ANO3: variants seen among roughly 807,000 people sequenced by gnomAD.
ANO3 encodes anoctamin-3.
Under a neutral mutation model 144.8 loss-of-function variants are expected in ANO3, and 99 were observed. That is an observed-to-expected ratio of 0.68 (90% CI 0.58 to 0.81). The LOEUF (loss-of-function observed/expected upper bound fraction) is 0.81, where lower values mean the gene tolerates loss of function less well. Among genes scored for constraint, ANO3 ranks in the 30% least tolerant of loss-of-function variants. ANO3 has a pLI of 0.00. For synonymous variants in ANO3, 414 were observed against 392.6 expected, an observed-to-expected ratio of 1.05 and a Z score of -0.64; for missense variants, 905 against 1,202.2, an observed-to-expected ratio of 0.75 and a Z score of 3.66.
At chr11:26,613,547 A>G (rs293933) in intron 17 of ANO3, among the ~76,000 whole-genome samples, 19,659 of 151,880 alleles carry the variant, frequency 0.13, 1,483 homozygotes, top group Admixed American at 0.22. Flanking sequence ...GAGGTATCCT[A>G]TTTTCTTGCT....
intron 1 of ANO3, among the ~76,000 whole-genome samples, chr11:26,419,571 G>A (rs1418909707): frequency 1.3e-5 from 2 of 151,976 alleles, no homozygotes; most frequent in African/African-American, 2.4e-5. Flanking sequence ...GTCTATGTAT[G>A]CAGACCCAGT....
intron 4 of ANO3, among the ~76,000 whole-genome samples, chr11:26,507,541 T>C (rs921885883): frequency 2.0e-5 from 3 of 152,222 alleles, no homozygotes; most frequent in Non-Finnish European, 4.4e-5. Context: ...TTGGTTTCAG[T>C]ATTACTAAAT....
chr11:26,535,453 A>T (rs1849481792), intron 9 of ANO3, among the ~76,000 whole-genome samples: 1 of 152,130 alleles, frequency 6.6e-6, no homozygotes, highest in African/African-American at 2.4e-5. Flanking sequence ...TGTTAGTCAT[A>T]TCCTAAAAGC....
chr11:26,224,361 T>A (rs1031348296), intron 1 of ANO3, among the ~76,000 whole-genome samples: 2 of 152,168 alleles, frequency 1.3e-5, no homozygotes, highest in East Asian at 3.9e-4. Context: ...TCTTTCTCCA[T>A]CCCAGGAAGC....
intron 1 of ANO3, among the ~76,000 whole-genome samples, chr11:26,202,291 TATAG>T: frequency 6.9e-6 from 1 of 144,448 alleles, no homozygotes; most frequent in East Asian, 2.0e-4. Context: ...TTATATATAA[TATAG>T]ATACATATTA....
At chr11:26,594,355 G>A (rs1359890505) in intron 14 of ANO3, among the ~76,000 whole-genome samples, 1 of 152,074 alleles carries the variant, frequency 6.6e-6, no homozygotes, top group East Asian at 1.9e-4. Flanking sequence ...CAAACTCTCG[G>A]GCTGCAGCTA....
At chr11:26,199,647 C>A (rs552711732) in intron 1 of ANO3, among the ~76,000 whole-genome samples, 12 of 152,122 alleles carry the variant, frequency 7.9e-5, no homozygotes, top group Non-Finnish European at 1.3e-4. Context: ...TCCTTTTCTT[C>A]TGTATTTTCA....
intron 1 of ANO3, among the ~76,000 whole-genome samples, chr11:26,378,830 C>T (rs191944223): frequency 1.2e-4 from 19 of 152,106 alleles, no homozygotes; most frequent in Admixed American, 3.9e-4. Context: ...GATTTTCTAT[C>T]ATGCAGCATA....
chr11:26,379,114 T>C (rs1856505759), intron 1 of ANO3, among the ~76,000 whole-genome samples: 1 of 151,866 alleles, frequency 6.6e-6, no homozygotes, highest in Admixed American at 6.6e-5. Context: ...TAAATATCAA[T>C]TAGGAGCCAC....
intron 23 of ANO3, among the ~76,000 whole-genome samples, chr11:26,644,862 A>G (rs919076516): frequency 5.4e-5 from 8 of 147,640 alleles, no homozygotes; most frequent in Non-Finnish European, 8.9e-5. Context: ...CCATATATAC[A>G]TACTATAACT....
chr11:26,478,288 A>T (rs1362317177), intron 4 of ANO3, among the ~76,000 whole-genome samples: 1 of 152,150 alleles, frequency 6.6e-6, no homozygotes, highest in Non-Finnish European at 1.5e-5. Flanking sequence ...CCTTGATCAC[A>T]TGTCTATTCT....
At chr11:26,609,427 A>C (rs1348960930) in intron 17 of ANO3, among the ~76,000 whole-genome samples, 2 of 150,412 alleles carry the variant, frequency 1.3e-5, no homozygotes, top group African/African-American at 4.9e-5. Context: ...CAGGATTCCC[A>C]TATCCTGCAG....
At chr11:26,240,951 C>T (rs1013126874) in intron 1 of ANO3, among the ~76,000 whole-genome samples, 4 of 152,120 alleles carry the variant, frequency 2.6e-5, no homozygotes, top group Admixed American at 6.5e-5. Context: ...GCTGTGTCCC[C>T]ACTCAAATCT....
intron 2 of ANO3, 75 bp downstream of exon 2, chr11:26,442,187 T>A (rs891064009): frequency 7.0e-7 from 1 of 1,437,430 alleles, no homozygotes. Flanking sequence ...TCCTTCCTTT[T>A]TCCATTGGAC....
intron 1 of ANO3, among the ~76,000 whole-genome samples, chr11:26,259,734 A>G (rs1489601172): frequency 6.6e-6 from 1 of 152,130 alleles, no homozygotes; most frequent in East Asian, 1.9e-4. Flanking sequence ...GCAGAACACT[A>G]TGCACCATTT....
At chr11:26,483,578 A>T (rs1860314804) in intron 4 of ANO3, among the ~76,000 whole-genome samples, 1 of 152,070 alleles carries the variant, frequency 6.6e-6, no homozygotes, top group African/African-American at 2.4e-5. Context: ...AAGTTTTCTG[A>T]GTGCCCCCCT....
intron 12 of ANO3, among the ~76,000 whole-genome samples, chr11:26,552,343 A>G (rs1407205506): frequency 6.6e-6 from 1 of 152,082 alleles, no homozygotes; most frequent in East Asian, 1.9e-4. Context: ...CAAATGTGTA[A>G]AAACAACAAA....
intron 1 of ANO3, among the ~76,000 whole-genome samples, chr11:26,407,047 GGTGTGTGTGT>G (rs372391349): frequency 5.8e-4 from 63 of 108,386 alleles, no homozygotes; most frequent in Admixed American, 3.5e-3. Flanking sequence ...TATATATATG[GGTGTGTGTGT>G]GTGTGTGTGT....
At chr11:26,310,146 T>C (rs1854473149) in intron 1 of ANO3, among the ~76,000 whole-genome samples, 1 of 152,220 alleles carries the variant, frequency 6.6e-6, no homozygotes, top group Admixed American at 6.5e-5. Flanking sequence ...TAATCATTTA[T>C]ATATGTGCAA....
Sources: gnomAD v4.1 joint callset for allele counts (sites outside exome capture counted in the v4.1 genomes callset) on GRCh38, gnomAD v4.1.1 for gene constraint, MANE v1.5 for transcripts, NCBI Gene and HGNC (gene_info 2026-07-23, HGNC 2026-07-21) for gene names.